Variants in ITGB1BP1 observed in about 807,000 individuals in gnomAD.
ITGB1BP1 encodes the protein integrin beta-1-binding protein 1.
A neutral mutation model predicts 28.0 loss-of-function variants in ITGB1BP1; 20 were observed. That is an observed-to-expected ratio of 0.71 (90% CI 0.50 to 1.04). The LOEUF (loss-of-function observed/expected upper bound fraction) is 1.04, where lower values mean the gene tolerates loss of function less well. Ranked by LOEUF, ITGB1BP1 falls within the 50% of genes least tolerant of loss-of-function variation. The pLI, the probability that ITGB1BP1 is intolerant of heterozygous loss-of-function variation, is 0.00. For synonymous variants in ITGB1BP1, 103 were observed against 89.5 expected, an observed-to-expected ratio of 1.15 and a Z score of -0.85; for missense variants, 228 against 242.5, an observed-to-expected ratio of 0.94 and a Z score of 0.40.
At chr2:9,417,060 C>A (rs897948338) in intron 2 of ITGB1BP1, among the ~76,000 whole-genome samples, 28 of 152,076 alleles carry the variant, frequency 1.8e-4, no homozygotes, top group Non-Finnish European at 2.8e-4. Flanking sequence ...ACATCCTCCC[C>A]GGCAGTCTCT....
At chr2:9,412,858 C>CA (rs1441686368) in intron 3 of ITGB1BP1, 1 of 153,196 alleles carries the variant, frequency 6.5e-6, no homozygotes, top group Non-Finnish European at 1.5e-5. Flanking sequence ...GAATTACAGG[C>CA]ATGAGCCACT....
chr2:9,414,650 C>G (rs1435944879), intron 2 of ITGB1BP1, among the ~76,000 whole-genome samples: 2 of 152,184 alleles, frequency 1.3e-5, no homozygotes, highest in Non-Finnish European at 2.9e-5. Context: ...CAGGCAAGGA[C>G]CATGATCCCC....
At chr2:9,412,635 G>A in intron 3 of ITGB1BP1, 1 of 374,398 alleles carries the variant, frequency 2.7e-6, no homozygotes, top group Non-Finnish European at 4.7e-6. Flanking sequence ...TCAATAATAG[G>A]AATAAATATA....
chr2:9,410,277 G>C (rs903523367), intron 4 of ITGB1BP1, among the ~76,000 whole-genome samples: 1 of 143,350 alleles, frequency 7.0e-6, no homozygotes, highest in African/African-American at 2.4e-5. Flanking sequence ...TGTCACCCAG[G>C]CTGGAGTGCA....
intron 3 of ITGB1BP1, among the ~76,000 whole-genome samples, chr2:9,413,862 T>C (rs757618458): frequency 4.9e-4 from 75 of 152,162 alleles, no homozygotes; most frequent in Admixed American, 1.6e-3. Context: ...TTCTTTCCAT[T>C]TTATTTTTAA....
In ITGB1BP1 at chr2:9,415,097, G is replaced by A. The variant is rs2148895905; in HGVS notation, c.73-841C>T. Among the ~76,000 whole-genome samples the A allele has an allele frequency of 6.6e-6, 1 of 150,876 alleles. No individual in the cohort carries two copies. The highest frequency in any genetic ancestry group is 6.6e-5 in the Admixed American group (1 of 15,140). On this transcript the variant is annotated intron_variant, in intron 2 of 6. Transcript: ENST00000355346. This position sits in a 1 kb window ranked among gnomAD's most constrained non-coding sequence, Gnocchi z 4.1. ...CGTCTCTACTTAAAAAAAAAAATAT[G>A]GCTGGGTGTGGTGGCTCACGCCTGT...
intron 3 of ITGB1BP1, among the ~76,000 whole-genome samples, chr2:9,413,584 A>G (rs1678738650): frequency 6.6e-6 from 1 of 151,862 alleles, no homozygotes; most frequent in Admixed American, 6.6e-5. Flanking sequence ...CCTGCCTTGG[A>G]CCCCCGAAGT....
intron 1 of ITGB1BP1, chr2:9,419,912 C>G (rs76275730): frequency 3.4e-6 from 1 of 291,196 alleles, no homozygotes; most frequent in South Asian, 1.3e-4. Context: ...CCTCTCAAGA[C>G]GATTTATGAA....
In ITGB1BP1 at chr2:9,414,276, G is replaced by C. The variant is rs1463663173; in HGVS notation, c.73-20C>G. ...CACAGACTGAGAAACAGAAAAACAAGTAAAAAACCTCCACTGAAGCAGCCC... is the reference window on the plus strand; with the variant it reads ...CACAGACTGAGAAACAGAAAAACAACTAAAAAACCTCCACTGAAGCAGCCC... On this transcript the variant is annotated intron_variant, in intron 2 of 6. Transcript: ENST00000355346. 1 of 1,598,404 alleles carries C rather than the reference G, an allele frequency of 6.3e-7. No individual in the cohort carries two copies. The highest frequency in any genetic ancestry group is 8.6e-7 in the Non-Finnish European group (1 of 1,166,130).
chr2:9,414,288 C>A (rs1558431649), intron 2 of ITGB1BP1, 32 bp from the exon 3 acceptor site: 4 of 1,544,362 alleles, frequency 2.6e-6, no homozygotes, highest in Non-Finnish European at 2.7e-6. Flanking sequence ...AAAAAACCTC[C>A]ACTGAAGCAG....
intron 6 of ITGB1BP1, 33 bp downstream of exon 6, chr2:9,407,416 G>A: frequency 3.1e-6 from 5 of 1,613,146 alleles, no homozygotes; most frequent in Non-Finnish European, 4.2e-6. Context: ...CGACTTGATG[G>A]GCAAGCAGCT....
intron 6 of ITGB1BP1, chr2:9,407,142 T>C (rs941355427): frequency 1.7e-6 from 1 of 602,196 alleles, no homozygotes; most frequent in African/African-American, 1.9e-5. Context: ...GATCACGCAG[T>C]CTAGGAGGGC....
At chr2:9,409,276 C>T (rs185203675) in intron 4 of ITGB1BP1, among the ~76,000 whole-genome samples, 57 of 152,354 alleles carry the variant, frequency 3.7e-4, no homozygotes, top group Admixed American at 7.8e-4. Flanking sequence ...ACATTAAAGA[C>T]ATTACAGTAA....
Position 9,407,610 on chromosome 2 carries a change from A to G in ITGB1BP1, c.382-12T>C. On this transcript the variant is annotated splice_polypyrimidine_tract_variant and intron_variant, in intron 5 of 6. Transcript: ENST00000355346. ...CTGTGCAAAACATCCTGCAGAAGTC[A>G]GGAAAGATTCCGAGAGATCAGGACT... is the stretch of plus-strand genomic sequence containing the variant. 6 of 1,614,006 alleles carry G rather than the reference A, an allele frequency of 3.7e-6. No homozygotes were observed. The highest frequency in any genetic ancestry group is 4.2e-6 in the Non-Finnish European group (5 of 1,179,966).
intron 6 of ITGB1BP1, chr2:9,407,137 C>T (rs957870067): frequency 5.0e-6 from 3 of 602,788 alleles, no homozygotes; most frequent in Admixed American, 3.0e-5. Context: ...AGGCTGATCA[C>T]GCAGTCTAGG....
chr2:9,416,934 C>T (rs1027926826), intron 2 of ITGB1BP1, among the ~76,000 whole-genome samples: 1 of 152,056 alleles, frequency 6.6e-6, no homozygotes, highest in African/African-American at 2.4e-5. Flanking sequence ...CTCCACAAGC[C>T]ATCATCATCG....
chr2:9,420,942 T>C (rs554129245), intron 1 of ITGB1BP1, among the ~76,000 whole-genome samples: 1 of 152,180 alleles, frequency 6.6e-6, no homozygotes, highest in Admixed American at 6.5e-5. Context: ...CTGCGGGTGA[T>C]TGCTGCAAAG....
chr2:9,412,629 T>C, intron 3 of ITGB1BP1: 1 of 401,552 alleles, frequency 2.5e-6, no homozygotes, highest in Non-Finnish European at 4.4e-6. Flanking sequence ...AAGGTCTCAA[T>C]AATAGGAATA....
intron 1 of ITGB1BP1, chr2:9,420,425 T>G (rs1390722724): frequency 6.6e-6 from 1 of 152,206 alleles, no homozygotes; most frequent in African/African-American, 2.4e-5. Context: ...GAGCCTGTTC[T>G]TAGCGAGAGT....
Sources: gnomAD v4.1 joint callset for allele counts (sites outside exome capture counted in the v4.1 genomes callset) on GRCh38, gnomAD v4.1.1 for gene constraint, Gnocchi (gnomAD v3.1) non-coding constraint, MANE v1.5 for transcripts, NCBI Gene and HGNC (gene_info 2026-07-23, HGNC 2026-07-21) for gene names.